HNRNPC: variants seen among roughly 807,000 people sequenced by gnomAD.
The protein encoded by HNRNPC is heterogeneous nuclear ribonucleoprotein C, also known as heterogeneous nuclear ribonucleoproteins C1/C2.
HNRNPC carries 3 observed loss-of-function variants against 33.2 expected under a neutral mutation model. The ratio of observed to expected loss-of-function variants is 0.09; its 90% CI spans 0.04 to 0.23. The LOEUF (loss-of-function observed/expected upper bound fraction) is 0.23. Ranked by LOEUF, HNRNPC falls within the 10% of genes least tolerant of loss-of-function variation. The pLI is 1.00. For synonymous variants in HNRNPC, 121 were observed against 126.7 expected, an observed-to-expected ratio of 0.96 and a Z score of 0.30; for missense variants, 143 against 366.7, an observed-to-expected ratio of 0.39 and a Z score of 4.98.
At chr14:21,243,513 CAAATTT>C (rs973623833) in intron 2 of HNRNPC, among the ~76,000 whole-genome samples, 1 of 152,164 alleles carries the variant, frequency 6.6e-6, no homozygotes, top group African/African-American at 2.4e-5. Flanking sequence ...CACACTTCAC[CAAATTT>C]CCAAAGAAAA....
chr14:21,226,100 G>T (rs191206409), intron 5 of HNRNPC, among the ~76,000 whole-genome samples: 9 of 152,012 alleles, frequency 5.9e-5, no homozygotes, highest in Non-Finnish European at 1.2e-4. Flanking sequence ...GATGGATCAT[G>T]AAGTCAGGTG....
At chr14:21,237,228 A>G (rs748420180) in intron 2 of HNRNPC, among the ~76,000 whole-genome samples, 1 of 152,226 alleles carries the variant, frequency 6.6e-6, no homozygotes, top group Non-Finnish European at 1.5e-5. Flanking sequence ...GGTAACAACC[A>G]TTATGACTTT....
intron 5 of HNRNPC, among the ~76,000 whole-genome samples, chr14:21,226,891 A>AG (rs1327776696): frequency 8.6e-5 from 7 of 81,548 alleles, no homozygotes; most frequent in South Asian, 5.7e-4. Flanking sequence ...AAAAAAAAAA[A>AG]AAAAGGGGGG....
Position 21,231,031 on chromosome 14 carries a change from C to T in HNRNPC, c.283G>A (p.Ala95Thr), listed in dbSNP as rs756659034. The T allele has an allele frequency of 6.2e-7, 1 of 1,614,238 alleles. No homozygotes were observed. The highest frequency in any genetic ancestry group is 2.2e-5 in the East Asian group (1 of 44,890). ...AAEPKVNRGK[A>T]GVKRSAAEMY... The stretch of plus-strand genomic sequence containing the variant: ...TCCGCTGCAGATCGTTTCACACCTG[C>T]TTTTCCTCGGTTCACTTTTGGCTCT... Residue 95 changes from alanine (A) to threonine (T), a missense_variant, in exon 4 of 9, where the codon GCA (alanine) becomes ACA (threonine). Ala to Thr is a moderately conservative substitution (Grantham distance 58). Transcript: ENST00000553300.
chr14:21,221,160 T>A (rs889722760), intron 5 of HNRNPC, among the ~76,000 whole-genome samples: 1 of 152,206 alleles, frequency 6.6e-6, no homozygotes, highest in Non-Finnish European at 1.5e-5. Context: ...TGAAATCATA[T>A]GCCTGCTGTA....
chr14:21,234,332 G>T, intron 2 of HNRNPC, 103 bp from the exon 3 acceptor site: 1 of 1,030,226 alleles, frequency 9.7e-7, no homozygotes, highest in Non-Finnish European at 1.4e-6. Context: ...ACTGCCCAGA[G>T]TATTAGGCAA....
chr14:21,212,087 G>C (rs924930848), intron 6 of HNRNPC, 164 bp from the exon 7 acceptor site: 7 of 602,384 alleles, frequency 1.2e-5, no homozygotes, highest in Non-Finnish European at 1.5e-5. Context: ...CTATTATAAA[G>C]CACGTTCTGT....
chr14:21,230,104 TCAC>T (rs1225873922), intron 5 of HNRNPC, among the ~76,000 whole-genome samples: 2 of 152,182 alleles, frequency 1.3e-5, no homozygotes, highest in Non-Finnish European at 2.9e-5. Flanking sequence ...GAAACGGGTT[TCAC>T]CACGTTAGCC....
intron 2 of HNRNPC, among the ~76,000 whole-genome samples, chr14:21,254,225 GACGAGT>G (rs1164050271): frequency 6.6e-6 from 1 of 152,072 alleles, no homozygotes; most frequent in African/African-American, 2.4e-5. Flanking sequence ...AAAAAATGGG[GACGAGT>G]ACAACAGTGT....
intron 7 of HNRNPC, 108 bp from the exon 8 acceptor site, chr14:21,211,674 C>A: frequency 6.9e-7 from 1 of 1,439,112 alleles, no homozygotes; most frequent in Non-Finnish European, 9.6e-7. Context: ...TCCTCCCACA[C>A]AAATACCCTT....
chr14:21,266,957 G>A (rs567918339), intron 1 of HNRNPC, among the ~76,000 whole-genome samples: 48 of 151,950 alleles, frequency 3.2e-4, no homozygotes, highest in African/African-American at 1.1e-3. Context: ...CCGGTGCGGT[G>A]GCACACGCCT....
intron 2 of HNRNPC, among the ~76,000 whole-genome samples, chr14:21,251,849 G>C (rs1478917687): frequency 1.3e-5 from 2 of 152,022 alleles, no homozygotes; most frequent in African/African-American, 4.8e-5. Context: ...TCTCACATCA[G>C]TTAAGATCAG....
intron 2 of HNRNPC, among the ~76,000 whole-genome samples, chr14:21,257,495 G>A (rs17197037): frequency 0.36 from 55,109 of 151,686 alleles, 10,597 homozygotes; most frequent in East Asian, 0.69. Flanking sequence ...ATCCGTCTCC[G>A]TGGTTCTTTT....
chr14:21,240,342 C>T (rs1895201397), intron 2 of HNRNPC, among the ~76,000 whole-genome samples: 2 of 152,140 alleles, frequency 1.3e-5, no homozygotes, highest in South Asian at 4.1e-4. Context: ...TATCATGCCT[C>T]TTCACCCTTT....
At chr14:21,236,370 T>C (rs1313943131) in intron 2 of HNRNPC, 1 of 152,206 alleles carries the variant, frequency 6.6e-6, no homozygotes, top group Admixed American at 6.5e-5. Context: ...TACCCATACT[T>C]ACTATGAGGA....
chr14:21,241,693 T>A (rs1241268244), intron 2 of HNRNPC, among the ~76,000 whole-genome samples: 1 of 152,204 alleles, frequency 6.6e-6, no homozygotes, highest in South Asian at 2.1e-4. Flanking sequence ...ACTACTTCCC[T>A]CTGGCCTCTT....
intron 3 of HNRNPC, among the ~76,000 whole-genome samples, chr14:21,232,262 C>T (rs1057482878): frequency 1.3e-5 from 2 of 152,094 alleles, no homozygotes; most frequent in East Asian, 1.9e-4. Flanking sequence ...CTACAGCACT[C>T]GAGTCAACAG....
intron 2 of HNRNPC, among the ~76,000 whole-genome samples, chr14:21,247,965 T>C (rs986821392): frequency 2.3e-4 from 35 of 151,348 alleles, no homozygotes; most frequent in African/African-American, 8.0e-4. Flanking sequence ...CACTCCAGCC[T>C]CGGCGATGCA....
rs533392087 is a variant in HNRNPC, at chr14:21,239,856, C to T, written c.-36-5627G>A. On this transcript the variant is annotated intron_variant, in intron 2 of 8. Transcript: ENST00000553300. Reference sequence around the variant, plus strand: ...GCCACTGCACTCCAGCCTTGGCAACCGTGTGAGACTGGGTCTCAAGAGAGA... The same window carrying T: ...GCCACTGCACTCCAGCCTTGGCAACTGTGTGAGACTGGGTCTCAAGAGAGA... Among the ~76,000 whole-genome samples the T allele has an allele frequency of 2.1e-4, 32 of 152,042 alleles. No homozygotes were observed. The South Asian group carries it at 3.9e-3, about 19-fold the overall frequency.
Sources: gnomAD v4.1 joint callset for allele counts (sites outside exome capture counted in the v4.1 genomes callset) on GRCh38, gnomAD v4.1.1 for gene constraint, MANE v1.5 for transcripts, NCBI Gene and HGNC (gene_info 2026-07-23, HGNC 2026-07-21) for gene names.